Variants in CDC73 observed in about 807,000 individuals in gnomAD.
CDC73 encodes cell division cycle 73.
CDC73 carries 21 observed loss-of-function variants against 83.7 expected under a neutral mutation model. That is an observed-to-expected ratio of 0.25 (90% CI 0.18 to 0.36). The LOEUF is 0.36. Among genes scored for constraint, CDC73 ranks in the 10% least tolerant of loss-of-function variants. The pLI is 1.00. For missense variants in CDC73, 342 were observed against 653.3 expected, an observed-to-expected ratio of 0.52 and a Z score of 5.19; for synonymous variants, 224 against 212.9, an observed-to-expected ratio of 1.05 and a Z score of -0.45.
chr1:193,147,698 G>T (rs996116746), intron 7 of CDC73, among the ~76,000 whole-genome samples, 169 bp from the exon 8 acceptor site: 1 of 152,122 alleles, frequency 6.6e-6, no homozygotes, highest in African/African-American at 2.4e-5. Context: ...TCAGTCTCTG[G>T]ATCAATATCT....
intron 11 of CDC73, among the ~76,000 whole-genome samples, chr1:193,204,160 TTTTG>T (rs1424298771): frequency 2.0e-5 from 3 of 150,256 alleles, no homozygotes; most frequent in Non-Finnish European, 3.0e-5. Flanking sequence ...CTGAACTGGA[TTTTG>T]TTTTTTATAT....
At chr1:193,237,479 C>G (rs999613293) in intron 15 of CDC73, among the ~76,000 whole-genome samples, 4 of 152,064 alleles carry the variant, frequency 2.6e-5, no homozygotes, top group South Asian at 4.1e-4. Flanking sequence ...TTCTCTTACC[C>G]GGAGCCTGAT....
chr1:193,168,299 A>C (rs1041555589), intron 10 of CDC73, among the ~76,000 whole-genome samples: 1 of 152,182 alleles, frequency 6.6e-6, no homozygotes, highest in African/African-American at 2.4e-5. Flanking sequence ...TTTTGCATTC[A>C]TCCAGGAAAT....
intron 7 of CDC73, among the ~76,000 whole-genome samples, chr1:193,145,035 C>A (rs984605117): frequency 2.0e-5 from 3 of 152,054 alleles, no homozygotes; most frequent in Admixed American, 2.0e-4. Flanking sequence ...TCTAGTGAGT[C>A]TTTTACAAAT....
At chr1:193,244,736 C>T (rs1296540750) in intron 15 of CDC73, among the ~76,000 whole-genome samples, 1 of 152,150 alleles carries the variant, frequency 6.6e-6, no homozygotes, top group Non-Finnish European at 1.5e-5. Context: ...CAATTACCTG[C>T]TTCTAGATAA....
At chr1:193,123,453 C>G (rs1381111309) in intron 1 of CDC73, among the ~76,000 whole-genome samples, 1 of 152,194 alleles carries the variant, frequency 6.6e-6, no homozygotes, top group Admixed American at 6.5e-5. Context: ...TCTCGAACTC[C>G]TGACCTCAAA....
At chr1:193,139,507 C>T (rs758092858) in intron 6 of CDC73, among the ~76,000 whole-genome samples, 3 of 152,106 alleles carry the variant, frequency 2.0e-5, no homozygotes, top group South Asian at 2.1e-4. Context: ...AAATATAGAA[C>T]GTAGTTCTTG....
At position 193,251,474 on chromosome 1, in the gene CDC73, G is replaced by A. The variant is rs1020012893; in HGVS notation, c.*762G>A. The A allele has an allele frequency of 6.9e-5, 16 of 231,782 alleles. No homozygotes were observed. Among genetic ancestry groups the A allele is most frequent in the African/African-American group, 3.3e-4 (15 of 45,220 alleles). The allele number at this position is 231,782 out of a possible 1,614,324, so 14.4% of individuals were successfully genotyped here. ...TTTGGGAGCCAGAGTATGATTTGGG[G>A]GAAGAATATGTATCAGCCCTATTGC... is the stretch of plus-strand genomic sequence containing the variant. On this transcript the variant is annotated 3_prime_UTR_variant, in exon 17 of 17. Transcript: ENST00000367435.
rs549150162 is a variant in CDC73 at position 193,214,955 on chromosome 1, T to C, written c.1154+2478T>C. Among the ~76,000 whole-genome samples, 84 of 152,294 alleles carry C rather than the reference T, an allele frequency of 5.5e-4. 3 individuals are homozygous for C. In the South Asian group the frequency reaches 0.015, roughly 27 times the overall value. ...ACAGAGCAATAACTAAAAAGTAAAT[T>C]ACTCTAGATGAATATACAACACGCC... On this transcript the variant is annotated intron_variant, in intron 13 of 16. Coordinates refer to ENST00000367435, the MANE Select transcript of CDC73 (RefSeq NM_024529.5).
chr1:193,219,181 A>G (rs907376507), intron 13 of CDC73, among the ~76,000 whole-genome samples: 9 of 152,262 alleles, frequency 5.9e-5, no homozygotes, highest in Non-Finnish European at 1.2e-4. Flanking sequence ...CAAAACTGCA[A>G]TGAGATATCA....
chr1:193,123,091 A>G (rs1355202935), intron 1 of CDC73, among the ~76,000 whole-genome samples: 2 of 152,192 alleles, frequency 1.3e-5, no homozygotes, highest in Admixed American at 6.5e-5. Context: ...GGCCTTTTTA[A>G]TGATGTCACT....
chr1:193,217,154 T>C (rs959982951), intron 13 of CDC73, among the ~76,000 whole-genome samples: 1 of 152,090 alleles, frequency 6.6e-6, no homozygotes, highest in African/African-American at 2.4e-5. Context: ...CAGCTGCTGC[T>C]GAAACCTCTA....
intron 10 of CDC73, among the ~76,000 whole-genome samples, chr1:193,160,121 T>G (rs1444484413): frequency 6.6e-6 from 1 of 152,196 alleles, no homozygotes; most frequent in Non-Finnish European, 1.5e-5. Flanking sequence ...TGCATTTTGT[T>G]AAAGAATAAC....
At chr1:193,234,175 TCACACA>T (rs71111461) in intron 14 of CDC73, among the ~76,000 whole-genome samples, 1,729 of 101,340 alleles carry the variant, frequency 0.017, 22 homozygotes, top group Middle Eastern at 0.037. Flanking sequence ...TCTCTCTCTC[TCACACA>T]CACACACACA....
At chr1:193,145,345 G>T (rs1473639684) in intron 7 of CDC73, among the ~76,000 whole-genome samples, 1 of 152,166 alleles carries the variant, frequency 6.6e-6, no homozygotes, top group Non-Finnish European at 1.5e-5. Flanking sequence ...AGCTGTTTGT[G>T]TGAGGATAGA....
intron 15 of CDC73, among the ~76,000 whole-genome samples, chr1:193,240,083 G>C (rs1033170810): frequency 6.6e-6 from 1 of 151,716 alleles, no homozygotes; most frequent in Non-Finnish European, 1.5e-5. Context: ...AACTTTTAAC[G>C]TTCCCACATA....
chr1:193,188,853 A>G (rs1056169151), intron 10 of CDC73, among the ~76,000 whole-genome samples: 3 of 152,102 alleles, frequency 2.0e-5, no homozygotes, highest in East Asian at 1.9e-4. Flanking sequence ...TTAAACAGCA[A>G]GAAACTTCCA....
At position 193,212,494 on chromosome 1, in the gene CDC73, A is replaced by T; in HGVS notation, c.1154+17A>T. 1 of 1,343,948 alleles carries T rather than the reference A, an allele frequency of 7.4e-7. No homozygotes were observed. Among genetic ancestry groups the T allele is most frequent in the Non-Finnish European group, 1.1e-6 (1 of 936,356 alleles). The allele number at this position is 1,343,948 out of a possible 1,614,324, so 83.3% of individuals were successfully genotyped here. A position where few individuals can be genotyped will look rare whatever the true frequency, so the allele number is the denominator to read the frequency against. On this transcript the variant is annotated intron_variant, in intron 13 of 16. Coordinates refer to ENST00000367435, the MANE Select transcript of CDC73 (RefSeq NM_024529.5). ...GGACCTGAAGTAAGTAATTTATTAA[A>T]CTATCCTGTACGTAGGATATTGAGA...
intron 11 of CDC73, among the ~76,000 whole-genome samples, chr1:193,206,610 C>G (rs1054914172): frequency 3.3e-5 from 5 of 152,060 alleles, no homozygotes; most frequent in African/African-American, 9.7e-5. Context: ...TCTTTAAAAT[C>G]TGAAAAATGT....
Sources: gnomAD v4.1 joint callset for allele counts (sites outside exome capture counted in the v4.1 genomes callset) on GRCh38, gnomAD v4.1.1 for gene constraint, MANE v1.5 for transcripts, NCBI Gene and HGNC (gene_info 2026-07-23, HGNC 2026-07-21) for gene names.